The following NELL1 variants were observed in gnomAD, a reference collection of about 807,000 sequenced individuals.
NELL1 encodes the protein protein kinase C-binding protein NELL1.
A neutral mutation model predicts 107.4 loss-of-function variants in NELL1; 76 were observed. The ratio of observed to expected loss-of-function variants is 0.71; its 90% CI spans 0.59 to 0.86. NELL1 has a LOEUF of 0.86. Among genes scored for constraint, NELL1 ranks in the 40% least tolerant of loss-of-function variants. NELL1 has a pLI of 0.00. For synonymous variants in NELL1, 353 were observed against 341.2 expected, an observed-to-expected ratio of 1.03 and a Z score of -0.38; for missense variants, 1,024 against 1,005.5, an observed-to-expected ratio of 1.02 and a Z score of -0.25.
chr11:21,042,750 G>A (rs1047576589), intron 12 of NELL1, among the ~76,000 whole-genome samples: 1 of 152,070 alleles, frequency 6.6e-6, no homozygotes, highest in African/African-American at 2.4e-5. Context: ...AACATCTGAG[G>A]TAAATGGGAG....
At chr11:21,455,720 C>A (rs749357711) in intron 15 of NELL1, among the ~76,000 whole-genome samples, 1 of 151,952 alleles carries the variant, frequency 6.6e-6, no homozygotes, top group Non-Finnish European at 1.5e-5. Context: ...TGGTCTTCCT[C>A]TTGGAATTTG....
At chr11:20,860,748 G>T (rs1259664082) in intron 4 of NELL1, among the ~76,000 whole-genome samples, 1 of 152,208 alleles carries the variant, frequency 6.6e-6, no homozygotes, top group Non-Finnish European at 1.5e-5. Context: ...ACAGCACAAG[G>T]TGAACCGTGC....
intron 3 of NELL1, among the ~76,000 whole-genome samples, chr11:20,829,188 T>C (rs542574262): frequency 4.4e-4 from 67 of 151,998 alleles, no homozygotes; most frequent in African/African-American, 1.6e-3. Context: ...ATGATAAAAT[T>C]ATGAAAATCA....
At chr11:21,340,815 A>C (rs1307859854) in intron 14 of NELL1, among the ~76,000 whole-genome samples, 2 of 152,172 alleles carry the variant, frequency 1.3e-5, no homozygotes, top group African/African-American at 4.8e-5. Context: ...AGAAGGAACC[A>C]ACCCTGTTGA....
chr11:20,723,731 G>GT lies in NELL1; in HGVS notation c.184+45672dup, dbSNP rs1276140147. 2.7e-5 allele frequency among the ~76,000 whole-genome samples: 4 copies of GT among 145,530 alleles called. No homozygotes were observed. In the South Asian group the frequency reaches 8.3e-4, roughly 30 times the overall value. Reference sequence around the variant, plus strand: ...TAGGCAGTGCCCCAGTGGGGACTCTGTGGGGGGGGGCTCCAACCCCACATT... The same window carrying GT: ...TAGGCAGTGCCCCAGTGGGGACTCTGTTGGGGGGGGGCTCCAACCCCACATT... On this transcript the variant is annotated intron_variant, in intron 2 of 19. Transcript: ENST00000357134.
intron 12 of NELL1, among the ~76,000 whole-genome samples, chr11:21,095,501 C>A (rs1310713222): frequency 6.6e-6 from 1 of 152,126 alleles, no homozygotes; most frequent in Non-Finnish European, 1.5e-5. Flanking sequence ...GAAAGACATA[C>A]CAGAGACTGG....
Position 20,989,355 on chromosome 11 carries a change from C to A in NELL1, c.1300+28795C>A, listed in dbSNP as rs116221282. Among the ~76,000 whole-genome samples, 685 of 152,234 alleles carry A rather than the reference C, an allele frequency of 4.5e-3. 5 individuals carry two copies. Among genetic ancestry groups the A allele is most frequent in the African/African-American group, 0.015 (636 of 41,530 alleles). On this transcript the variant is annotated intron_variant, in intron 12 of 19. Transcript: ENST00000357134. ...CCAATTCTGGGCTGGAAAATCAGGC[C>A]TGTCTATTCACGCAGAAAGGTTATG...
intron 12 of NELL1, among the ~76,000 whole-genome samples, chr11:20,969,589 A>C (rs1325019273): frequency 6.6e-6 from 1 of 151,692 alleles, no homozygotes; most frequent in Non-Finnish European, 1.5e-5. Flanking sequence ...AGCTATCCTC[A>C]AATATTTCTG....
chr11:21,082,419 T>G (rs1363302301), intron 12 of NELL1, among the ~76,000 whole-genome samples: 5 of 152,200 alleles, frequency 3.3e-5, no homozygotes, highest in Non-Finnish European at 7.3e-5. Context: ...CAGTTAATCA[T>G]AGTAATCAAA....
At chr11:21,435,185 C>A (rs1407013637) in intron 15 of NELL1, among the ~76,000 whole-genome samples, 1 of 151,838 alleles carries the variant, frequency 6.6e-6, no homozygotes, top group Admixed American at 6.6e-5. Context: ...AGGCTATTTT[C>A]TCTGGATAGG....
chr11:21,202,509 T>G (rs1183918468), intron 13 of NELL1, among the ~76,000 whole-genome samples: 1 of 152,150 alleles, frequency 6.6e-6, no homozygotes, highest in Non-Finnish European at 1.5e-5. Flanking sequence ...ATTTAATTCT[T>G]CTCTCATTTC....
At chr11:21,301,378 C>T (rs998926059) in intron 14 of NELL1, among the ~76,000 whole-genome samples, 3 of 152,118 alleles carry the variant, frequency 2.0e-5, no homozygotes, top group Admixed American at 1.3e-4. Context: ...AAAAGCATTC[C>T]TATTTCTCCA....
intron 13 of NELL1, among the ~76,000 whole-genome samples, chr11:21,180,155 C>T (rs1856798777): frequency 6.6e-6 from 1 of 151,608 alleles, no homozygotes; most frequent in African/African-American, 2.4e-5. Flanking sequence ...TATAAATATA[C>T]ATTAGGCAAT....
rs1041979315 is a variant in NELL1, at chr11:21,104,250, C to T, written c.1301-9339C>T. Among the ~76,000 whole-genome samples the T allele has an allele frequency of 2.6e-5, 4 of 152,154 alleles. No homozygotes were observed. In the East Asian group the frequency reaches 7.7e-4, roughly 29 times the overall value. On this transcript the variant is annotated intron_variant, in intron 12 of 19. Transcript: ENST00000357134. ...CCAAGACTGAATTGATCACCCTTCA[C>T]TCAATGTGTTTCTTTCCGTGTGGAC...
chr11:21,462,145 C>A (rs1477730462), intron 15 of NELL1, among the ~76,000 whole-genome samples: 1 of 152,016 alleles, frequency 6.6e-6, no homozygotes, highest in Non-Finnish European at 1.5e-5. Context: ...GGGAAATTTT[C>A]ATTAAATCAA....
intron 14 of NELL1, among the ~76,000 whole-genome samples, chr11:21,269,839 G>A (rs750544253): frequency 3.3e-5 from 5 of 152,050 alleles, no homozygotes; most frequent in Admixed American, 6.5e-5. Flanking sequence ...CAAAATCATA[G>A]CAACAATGTA....
intron 15 of NELL1, among the ~76,000 whole-genome samples, chr11:21,525,928 C>T (rs1348851874): frequency 6.6e-6 from 1 of 152,174 alleles, no homozygotes; most frequent in Non-Finnish European, 1.5e-5. Context: ...TATCATTCTG[C>T]CCTGACCCCT....
intron 12 of NELL1, among the ~76,000 whole-genome samples, chr11:21,051,064 T>C (rs1170875771): frequency 6.6e-6 from 1 of 152,050 alleles, no homozygotes; most frequent in Non-Finnish European, 1.5e-5. Context: ...AAAGTACTTA[T>C]ACAAAAAAGA....
At chr11:21,361,201 T>C (rs1444010366) in intron 14 of NELL1, among the ~76,000 whole-genome samples, 1 of 151,918 alleles carries the variant, frequency 6.6e-6, no homozygotes, top group East Asian at 1.9e-4. Flanking sequence ...TTAAAAATGT[T>C]TTATTTCTCC....
Sources: allele counts gnomAD v4.1 joint callset (sites outside exome capture counted in the v4.1 genomes callset), GRCh38; gene constraint gnomAD v4.1.1; transcripts MANE v1.5; gene names NCBI Gene and HGNC (gene_info 2026-07-23, HGNC 2026-07-21).